The following CCNF variants were observed in gnomAD, a reference collection of about 807,000 sequenced individuals.
The protein encoded by CCNF is cyclin-F.
Under a neutral mutation model 85.4 loss-of-function variants are expected in CCNF, and 30 were observed. That is an observed-to-expected ratio of 0.35 (90% CI 0.26 to 0.48). CCNF has a LOEUF of 0.48. Ranked by LOEUF, CCNF falls within the 20% of genes least tolerant of loss-of-function variation. The pLI is 0.99. For synonymous variants in CCNF, 439 were observed against 425.1 expected (o/e 1.03, Z -0.40); for missense variants, 919 against 1,010.4 (o/e 0.91, Z 1.23).
intron 5 of CCNF, chr16:2,437,605 C>G (rs2065298412): frequency 2.5e-6 from 1 of 396,666 alleles, no homozygotes; most frequent in Non-Finnish European, 4.6e-6. Context: ...AGACACAAAT[C>G]TGGCCAGGTG....
In CCNF at chr16:2,443,894, G is replaced by C. The variant is rs933943866; in HGVS notation, c.929+94G>C. 6.8e-6 allele frequency: 8 copies of C among 1,177,228 alleles called. No homozygotes were observed. In the Admixed American group the frequency reaches 1.0e-4, roughly 15 times the overall value. The allele number at this position is 1,177,228 out of a possible 1,614,324, so 72.9% of individuals were successfully genotyped here. A position where few individuals can be genotyped will look rare whatever the true frequency, so the allele number is the denominator to read the frequency against. On this transcript the variant is annotated intron_variant, in intron 9 of 16. Transcript: ENST00000397066. ...TTTCCACTTAACCCCAGTTACCTGT[G>C]ACAGGGCGGCATAGAGTTCCCTTAT...
chr16:2,434,186 G>C (rs371006053), intron 3 of CCNF, among the ~76,000 whole-genome samples: 1 of 152,108 alleles, frequency 6.6e-6, no homozygotes, highest in Non-Finnish European at 1.5e-5. Flanking sequence ...GGCACTTGTA[G>C]TCCCAGCTAC....
At position 2,431,053 on chromosome 16, in the gene CCNF, C is replaced by CT. The variant is rs548054377; in HGVS notation, c.17-68dup. On this transcript the variant is annotated intron_variant, in intron 1 of 16. Transcript: ENST00000397066. ...ATCATCTTCAGATGTAACTTTTATC[C>CT]TTTTTTTTTCCCTTCAAGGGTGTGT... 1,907 of 1,407,792 alleles carry CT rather than the reference C, an allele frequency of 1.4e-3. 6 individuals carry two copies. The highest frequency in any genetic ancestry group is 7.6e-3 in the African/African-American group (538 of 70,410). 87.2% of individuals were successfully genotyped at this position (1,407,792 alleles called of 1,614,324 possible).
At chr16:2,445,416 G>A in intron 9 of CCNF, 42 bp from the exon 10 acceptor site, 1 of 1,609,314 alleles carries the variant, frequency 6.2e-7, no homozygotes, top group East Asian at 2.2e-5. Context: ...GGGACACATG[G>A]AGAACGCCCC....
At chr16:2,450,596 C>T (rs905942822) in intron 13 of CCNF, among the ~76,000 whole-genome samples, 2 of 151,968 alleles carry the variant, frequency 1.3e-5, no homozygotes, top group Non-Finnish European at 2.9e-5. Context: ...GCTCATTGCA[C>T]AGGCAGCAGA....
intron 16 of CCNF, 137 bp downstream of exon 16, chr16:2,455,701 GC>G: frequency 7.4e-7 from 1 of 1,357,662 alleles, no homozygotes; most frequent in Non-Finnish European, 9.6e-7. Context: ...GCCAGCTCCT[GC>G]CCCGCCGGGG....
intron 10 of CCNF, among the ~76,000 whole-genome samples, chr16:2,446,703 A>G (rs2065364101): frequency 6.6e-6 from 1 of 152,202 alleles, no homozygotes; most frequent in Admixed American, 6.5e-5. Context: ...TTTCTTGCAC[A>G]GGTAACCCAG....
rs555811267 is a variant in CCNF, at chr16:2,443,901, C to T, written c.929+101C>T. ...TTAACCCCAGTTACCTGTGACAGGG[C>T]GGCATAGAGTTCCCTTATCACCCTT... On this transcript the variant is annotated intron_variant, in intron 9 of 16. Transcript: ENST00000397066. 60 of 1,045,434 alleles carry T rather than the reference C, an allele frequency of 5.7e-5. 1 individual carries two copies. In the Middle Eastern group the frequency reaches 1.2e-3, roughly 21 times the overall value. The allele number at this position is 1,045,434 out of a possible 1,614,324, so 64.8% of individuals were successfully genotyped here.
At chr16:2,433,689 G>A (rs909794710) in intron 3 of CCNF, among the ~76,000 whole-genome samples, 17 of 152,176 alleles carry the variant, frequency 1.1e-4, no homozygotes, top group Admixed American at 6.5e-5. Flanking sequence ...TGGTTCAAGC[G>A]ATTCTCCTGC....
intron 8 of CCNF, among the ~76,000 whole-genome samples, chr16:2,441,979 A>ATATG (rs1279897264): frequency 6.1e-5 from 6 of 97,772 alleles, no homozygotes; most frequent in East Asian, 5.6e-4. Context: ...ATATATATAT[A>ATATG]TATGTTTTTG....
intron 3 of CCNF, among the ~76,000 whole-genome samples, chr16:2,434,121 CAT>C (rs1382010342): frequency 6.6e-6 from 1 of 151,592 alleles, no homozygotes; most frequent in African/African-American, 2.4e-5. Context: ...GCCCGGCCAA[CAT>C]GGCAAAACCC....
rs758338026 is a variant in CCNF at position 2,456,871 on chromosome 16, C to T, written c.2212C>T (p.Pro738Ser). 4 of 1,614,042 alleles carry T rather than the reference C, an allele frequency of 2.5e-6. No individual in the cohort carries two copies. The highest frequency in any genetic ancestry group is 1.3e-5 in the African/African-American group (1 of 74,950). ...LSLDSDSHTQ[P>S]CHHQARKSCL... is the part of the protein sequence containing the mutation. ...CCTGGACAGTGACTCGCACACACAG[C>T]CCTGCCACCATCAGGCCAGGAAGTC... is the stretch of plus-strand genomic sequence containing the variant. Residue 738 changes from proline to serine, a missense_variant, in exon 17 of 17, where the codon CCC becomes TCC. Coordinates refer to ENST00000397066, the MANE Select transcript of CCNF (RefSeq NM_001761.3). This position sits in a 1 kb window ranked among gnomAD's most constrained non-coding sequence, Gnocchi z 4.5.
At chr16:2,436,966 A>G (rs1360183339) in intron 4 of CCNF, 163 bp from the exon 5 acceptor site, 3 of 530,632 alleles carry the variant, frequency 5.7e-6, no homozygotes, top group Non-Finnish European at 9.9e-6. Context: ...TAGGGGGAGA[A>G]AAGACAGGTG....
chr16:2,455,893 T>G (rs1024278427), intron 16 of CCNF, among the ~76,000 whole-genome samples: 3 of 152,258 alleles, frequency 2.0e-5, no homozygotes, highest in Non-Finnish European at 4.4e-5. Context: ...GAGATCCTTC[T>G]AGGCCTGTAG....
chr16:2,435,623 ACACACATATATATG>A (rs1567383163), intron 3 of CCNF, among the ~76,000 whole-genome samples, 169 bp from the exon 4 acceptor site: 6 of 11,170 alleles, frequency 5.4e-4, no homozygotes, highest in East Asian at 7.8e-3. Flanking sequence ...GCACACACAC[ACACACATATATATG>A]CACACACATA....
rs760059278 is a variant in CCNF at position 2,453,496 on chromosome 16, C to A, written c.1674C>A (p.Ile558=). Residue 558 remains isoleucine, a synonymous_variant, in exon 15 of 17, where the codon ATC becomes ATA. Coordinates refer to ENST00000397066, the MANE Select transcript of CCNF (RefSeq NM_001761.3). The surrounding 1 kb of genome is among the most constrained non-coding windows in gnomAD (Gnocchi z 5.6). ...CGACTTTCCTCAGCACAGGGGAGAT[C>A]CACGCCTTCCTCAGCTCTCCCTCGG... ...DPPTFLSTGE[I]HAFLSSPSGR... 1.9e-6 allele frequency: 3 copies of A among 1,614,070 alleles called. No individual in the cohort carries two copies. In the East Asian group the frequency reaches 6.7e-5, roughly 36 times the overall value.
At chr16:2,445,726 G>GTTTTTTTTTTTTTTT in intron 10 of CCNF, 104 bp downstream of exon 10, 3 of 835,018 alleles carry the variant, frequency 3.6e-6, no homozygotes, top group South Asian at 1.9e-5. Context: ...TTTGTTTTGT[G>GTTTTTTTTTTTTTTT]TTGTTTTTTT....
rs1263642196 is a variant in CCNF, at chr16:2,453,346, G to A, written c.1587+37G>A. ...CCGCCACCTGGGCGTCTCATGGGGT[G>A]CTGGGGTGTGGGCGGGCCTCACCCT... is the stretch of plus-strand genomic sequence containing the variant. On this transcript the variant is annotated intron_variant, in intron 14 of 16. Transcript: ENST00000397066. This position sits in a 1 kb window ranked among gnomAD's most constrained non-coding sequence, Gnocchi z 5.6. 1 of 1,613,806 alleles carries A rather than the reference G, an allele frequency of 6.2e-7. No homozygotes were observed. The highest frequency in any genetic ancestry group is 1.1e-5 in the South Asian group (1 of 91,086).
rs2065382017 is a variant in CCNF at position 2,449,549 on chromosome 16, C to G, written c.1399+87C>G. On this transcript the variant is annotated intron_variant, in intron 12 of 16. Coordinates refer to ENST00000397066, the MANE Select transcript of CCNF (RefSeq NM_001761.3). ...TGTGGGGAGGAAAAGAGTCCAGCAT[C>G]CATTTGTCCTGGTTACTTCTTGGGG... 1.3e-5 allele frequency: 17 copies of G among 1,336,554 alleles called. No homozygotes were observed. The Admixed American group carries it at 3.7e-4, about 29-fold the overall frequency. 82.8% of individuals were successfully genotyped at this position (1,336,554 alleles called of 1,614,324 possible).
Sources: gnomAD v4.1 joint callset for allele counts (sites outside exome capture counted in the v4.1 genomes callset) on GRCh38, gnomAD v4.1.1 for gene constraint, Gnocchi (gnomAD v3.1) non-coding constraint, MANE v1.5 for transcripts, NCBI Gene and HGNC (gene_info 2026-07-23, HGNC 2026-07-21) for gene names.